Variants in PLEKHG3 observed in about 807,000 individuals in gnomAD.
The protein encoded by PLEKHG3 is pleckstrin homology and RhoGEF domain containing G3, also known as pleckstrin homology domain-containing family G member 3.
Under a neutral mutation model 94.9 loss-of-function variants are expected in PLEKHG3, and 62 were observed. The observed-to-expected ratio is 0.65, with a 90% CI of 0.53 to 0.81. PLEKHG3 has a LOEUF of 0.81. PLEKHG3 is among the 30% of genes least tolerant of loss of function. PLEKHG3 has a pLI of 0.00. For missense variants in PLEKHG3, 1,461 were observed against 1,619.3 expected, an observed-to-expected ratio of 0.90 and a Z score of 1.68; for synonymous variants, 614 against 654.0, an observed-to-expected ratio of 0.94 and a Z score of 0.93.
In PLEKHG3 at chr14:64,728,604, G is replaced by A. The variant is rs963155651; in HGVS notation, c.352-392G>A. Among the ~76,000 whole-genome samples the A allele has an allele frequency of 1.3e-5, 2 of 152,232 alleles. No homozygotes were observed. The highest frequency in any genetic ancestry group is 6.5e-5 in the Admixed American group (1 of 15,282). On this transcript the variant is annotated intron_variant, in intron 2 of 16. Coordinates refer to ENST00000247226, the MANE Select transcript of PLEKHG3 (RefSeq NM_001308147.2). The surrounding 1 kb of genome is among the most constrained non-coding windows in gnomAD (Gnocchi z 5.9). The stretch of plus-strand genomic sequence containing the variant: ...GCCTCTGAGGGAGTAGGCATTCTAT[G>A]CCTGTCATCCAGCTTCTGGGGTCCT...
rs2081916073 is a variant in PLEKHG3, at chr14:64,749,800, C to A, written c.*6097C>A. On this transcript the variant is annotated 3_prime_UTR_variant, in exon 17 of 17. Coordinates refer to ENST00000247226, the MANE Select transcript of PLEKHG3 (RefSeq NM_001308147.2). The surrounding 1 kb of genome is among the most constrained non-coding windows in gnomAD (Gnocchi z 4.7). ...ATACCCTGAGCCGAACATCCAGACC[C>A]CTCTCAGGCAGCCCAGCACTTTCTG... 1.3e-6 allele frequency: 2 copies of A among 1,516,982 alleles called. No homozygotes were observed. Among genetic ancestry groups the A allele is most frequent in the East Asian group, 4.8e-5 (2 of 42,086 alleles). 94.0% of individuals were successfully genotyped at this position (1,516,982 alleles called of 1,614,324 possible). A position where few individuals can be genotyped will look rare whatever the true frequency, so the allele number is the denominator to read the frequency against.
Position 64,743,222 on chromosome 14 carries a change from G to T in PLEKHG3, c.3179G>T (p.Arg1060Leu), listed in dbSNP as rs766760188. ...GAGCTCTGCTCCAAGTATGCCTCCCGCGATGAGGCACGCCGAGCAGGGGGC... is the reference window on the plus strand; with the variant it reads ...GAGCTCTGCTCCAAGTATGCCTCCCTCGATGAGGCACGCCGAGCAGGGGGC... ...VRELCSKYASRDEARRAGGGR... is the reference protein window; with the variant it reads ...VRELCSKYASLDEARRAGGGR... The change falls in exon 17 of 17, where the codon CGC becomes CTC. Residue 1060 changes from arginine to leucine, a missense_variant. Physicochemically the swap from Arg to Leu is moderately radical, Grantham distance 102 (BLOSUM62 -2). Coordinates refer to ENST00000247226, the MANE Select transcript of PLEKHG3 (RefSeq NM_001308147.2). The surrounding 1 kb of genome is among the most constrained non-coding windows in gnomAD (Gnocchi z 7.2). 1.9e-6 allele frequency: 3 copies of T among 1,608,968 alleles called. No homozygotes were observed. Among genetic ancestry groups the T allele is most frequent in the Non-Finnish European group, 1.7e-6 (2 of 1,179,548 alleles).
chr14:64,737,649 C>G (rs170685), intron 14 of PLEKHG3, among the ~76,000 whole-genome samples: 11,770 of 152,328 alleles, frequency 0.077, 504 homozygotes, highest in Non-Finnish European at 0.086. Context: ...CTAGGGTAGA[C>G]AAGTAGGCAG....
At chr14:64,740,896 T>TCG in intron 15 of PLEKHG3, 140 bp from the exon 16 acceptor site, 1 of 649,532 alleles carries the variant, frequency 1.5e-6, no homozygotes, top group Admixed American at 3.0e-5. Context: ...TACTCCTAAG[T>TCG]CGTGCTCATT....
At chr14:64,706,604 T>C (rs1282702129) in intron 1 of PLEKHG3, among the ~76,000 whole-genome samples, 1 of 152,180 alleles carries the variant, frequency 6.6e-6, no homozygotes, top group East Asian at 1.9e-4. Flanking sequence ...GCTGGCTATG[T>C]CCCACGTGTG....
At position 64,717,960 on chromosome 14, in the gene PLEKHG3, A is replaced by G. The variant is rs1461647717; in HGVS notation, c.-39-9633A>G. Among the ~76,000 whole-genome samples the G allele has an allele frequency of 1.3e-5, 2 of 152,038 alleles. No individual in the cohort carries two copies. The highest frequency in any genetic ancestry group is 2.9e-5 in the Non-Finnish European group (2 of 68,000). On this transcript the variant is annotated intron_variant, in intron 1 of 16. Transcript: ENST00000247226. The surrounding 1 kb of genome is among the most constrained non-coding windows in gnomAD (Gnocchi z 4.7). ...CCACAAAGCCACGTGGATTCCTTCC[A>G]TCTGTCCTTGGCCTGCCTTGCAGCC...
chr14:64,742,493 T>C, intron 16 of PLEKHG3, 38 bp downstream of exon 16: 2 of 1,477,456 alleles, frequency 1.4e-6, no homozygotes, highest in Non-Finnish European at 1.8e-6. Context: ...TCCCCAAGTC[T>C]AGGGACTGAA....
intron 1 of PLEKHG3, among the ~76,000 whole-genome samples, chr14:64,707,814 T>C (rs937541239): frequency 2.0e-5 from 3 of 152,236 alleles, no homozygotes; most frequent in African/African-American, 7.2e-5. Context: ...GCTTGACAGC[T>C]CACTAGCCCT....
rs1159338470 is a variant in PLEKHG3, at chr14:64,731,944, C to T, written c.1125+138C>T. ...TGTGAGGCAAGGATCATTGCAGGCA[C>T]CTCTCAGGGTCAAAGTGAGGAGTCA... is the stretch of plus-strand genomic sequence containing the variant. On this transcript the variant is annotated intron_variant, in intron 9 of 16. Transcript: ENST00000247226. The surrounding 1 kb of genome is among the most constrained non-coding windows in gnomAD (Gnocchi z 6.1). The T allele has an allele frequency of 1.2e-6, 1 of 839,030 alleles. No individual in the cohort carries two copies. Among genetic ancestry groups the T allele is most frequent in the Non-Finnish European group, 2.0e-6 (1 of 501,388 alleles). 52.0% of individuals were successfully genotyped at this position (839,030 alleles called of 1,614,324 possible).
chr14:64,734,523 T>G (rs936375496), intron 12 of PLEKHG3, among the ~76,000 whole-genome samples: 2 of 152,196 alleles, frequency 1.3e-5, no homozygotes, highest in Middle Eastern at 3.2e-3. Context: ...TTGAATTATA[T>G]TTCAATAAAG....
Position 64,730,696 on chromosome 14 carries a change from A to G in PLEKHG3, c.566+8A>G. ...TTGCAACAATTACCCCAAGTGAGTA[A>G]TTGGGGTGAGAGGGAAGGCAGAGCC... is the stretch of plus-strand genomic sequence containing the variant. On this transcript the variant is annotated splice_region_variant and intron_variant, in intron 5 of 16. Transcript: ENST00000247226. The surrounding 1 kb of genome is among the most constrained non-coding windows in gnomAD (Gnocchi z 5.4). 6.2e-7 allele frequency: 1 copy of G among 1,611,106 alleles called. No homozygotes were observed. Among genetic ancestry groups the G allele is most frequent in the Non-Finnish European group, 8.5e-7 (1 of 1,177,178 alleles).
rs745381084 is a variant in PLEKHG3 at position 64,743,247 on chromosome 14, CG to C, written c.3206del (p.Gly1069AlafsTer19). 6.2e-7 allele frequency: 1 copy of C among 1,605,966 alleles called. No individual in the cohort carries two copies. The highest frequency in any genetic ancestry group is 1.7e-4 in the Middle Eastern group (1 of 6,050). Reference sequence around the variant, plus strand: ...GCGATGAGGCACGCCGAGCAGGGGGCGGCCGGCCCCGCGGCCCACCCGTCAA... The same window carrying C: ...GCGATGAGGCACGCCGAGCAGGGGGCGCCGGCCCCGCGGCCCACCCGTCAA... ...SRDEARRAGG[G>X]RPRGPPVNRS... On this transcript the variant is annotated frameshift_variant, in exon 17 of 17. Transcript: ENST00000247226. LOFTEE classifies it low-confidence loss of function (END_TRUNC). The surrounding 1 kb of genome is among the most constrained non-coding windows in gnomAD (Gnocchi z 7.2).
rs2081409766 is a variant in PLEKHG3, at chr14:64,729,172, C to T, written c.449+79C>T. 9.3e-6 allele frequency: 6 copies of T among 644,458 alleles called. No individual in the cohort carries two copies. The South Asian group carries it at 1.1e-4, about 12-fold the overall frequency. 39.9% of individuals were successfully genotyped at this position (644,458 alleles called of 1,614,324 possible). A position where few individuals can be genotyped will look rare whatever the true frequency, so the allele number is the denominator to read the frequency against. Reference sequence around the variant, plus strand: ...GGCCTAGGGAGGAACCCTGGATGTCCCTGGTCTCATGGGCCTGTGACATGT... The same window carrying T: ...GGCCTAGGGAGGAACCCTGGATGTCTCTGGTCTCATGGGCCTGTGACATGT... On this transcript the variant is annotated intron_variant, in intron 3 of 16. Transcript: ENST00000247226.
At chr14:64,729,681 A>G (rs1327412000) in intron 3 of PLEKHG3, among the ~76,000 whole-genome samples, 1 of 152,150 alleles carries the variant, frequency 6.6e-6, no homozygotes, top group African/African-American at 2.4e-5. Context: ...ATCGTATCCC[A>G]GGCCCCTTAA....
chr14:64,736,403 C>G (rs775112758), intron 12 of PLEKHG3, among the ~76,000 whole-genome samples: 15 of 152,214 alleles, frequency 9.9e-5, no homozygotes, highest in Non-Finnish European at 1.8e-4. Context: ...AGCTGGGATG[C>G]TGTGAGGGGC....
rs2081758196 is a variant in PLEKHG3, at chr14:64,743,307, G to C, written c.3264G>C (p.Glu1088Asp). 2.5e-6 allele frequency: 4 copies of C among 1,608,266 alleles called. No individual in the cohort carries two copies. Among genetic ancestry groups the C allele is most frequent in the Non-Finnish European group, 3.4e-6 (4 of 1,178,798 alleles). ...RSHSVPENMVEPPLSGRVGRC... is the reference protein window; with the variant it reads ...RSHSVPENMVDPPLSGRVGRC... ...ACTCGGTGCCGGAGAACATGGTAGA[G>C]CCACCTCTGTCGGGCAGGGTGGGCC... Residue 1088 changes from glutamate to aspartate, a missense_variant, in exon 17 of 17, where the codon GAG (glutamate) becomes GAC (aspartate). Glu to Asp is a conservative substitution (Grantham distance 45). Coordinates refer to ENST00000247226, the MANE Select transcript of PLEKHG3 (RefSeq NM_001308147.2). This position sits in a 1 kb window ranked among gnomAD's most constrained non-coding sequence, Gnocchi z 7.2.
At chr14:64,712,305 TG>T (rs774721255) in intron 1 of PLEKHG3, among the ~76,000 whole-genome samples, 4 of 152,186 alleles carry the variant, frequency 2.6e-5, no homozygotes, top group Non-Finnish European at 5.9e-5. Flanking sequence ...TTGGGTATTC[TG>T]GGTCCCTTGC....
chr14:64,733,529 G>A (rs1477998741), intron 12 of PLEKHG3, among the ~76,000 whole-genome samples: 2 of 152,040 alleles, frequency 1.3e-5, no homozygotes, highest in African/African-American at 4.8e-5. Flanking sequence ...CCCCTTCTTA[G>A]CCCCCTCCCT....
rs2081764933 is a variant in PLEKHG3 at position 64,743,529 on chromosome 14, C to G, written c.3486C>G (p.Ser1162Arg). ...LPSPTAGLEE[S>R]SGQGPSSPVA... The stretch of plus-strand genomic sequence containing the variant: ...GCCCCACTGCAGGGCTGGAGGAGAG[C>G]AGTGGCCAGGGACCAAGCTCACCGG... Residue 1162 changes from serine (S) to arginine (R), a missense_variant, in exon 17 of 17, where the codon AGC (serine) becomes AGG (arginine). Transcript: ENST00000247226. This position sits in a 1 kb window ranked among gnomAD's most constrained non-coding sequence, Gnocchi z 7.2. The G allele has an allele frequency of 6.2e-7, 1 of 1,612,906 alleles. No homozygotes were observed. The highest frequency in any genetic ancestry group is 2.2e-5 in the East Asian group (1 of 44,890).
Sources: gnomAD v4.1 joint callset for allele counts (sites outside exome capture counted in the v4.1 genomes callset) on GRCh38, gnomAD v4.1.1 for gene constraint, Gnocchi (gnomAD v3.1) non-coding constraint, MANE v1.5 for transcripts, NCBI Gene and HGNC (gene_info 2026-07-23, HGNC 2026-07-21) for gene names.